Variants in ANTXR2 observed in about 807,000 individuals in gnomAD.
ANTXR2 encodes the protein ANTXR cell adhesion molecule 2, also known as anthrax toxin receptor 2.
ANTXR2 carries 44 observed loss-of-function variants against 73.7 expected under a neutral mutation model. The observed-to-expected ratio is 0.60, with a 90% confidence interval of 0.47 to 0.77. The LOEUF is 0.77. Among genes scored for constraint, ANTXR2 ranks in the 30% least tolerant of loss-of-function variants. The pLI is 0.00. For missense variants in ANTXR2, 604 were observed against 592.5 expected (o/e 1.02, Z -0.20); for synonymous variants, 217 against 205.9 (o/e 1.05, Z -0.46).
intron 10 of ANTXR2, among the ~76,000 whole-genome samples, chr4:80,020,187 C>T (rs371296741): frequency 3.3e-5 from 5 of 151,926 alleles, no homozygotes; most frequent in South Asian, 4.1e-4. Flanking sequence ...AGACCAGCCC[C>T]GGCAACACAG....
chr4:80,040,418 A>C (rs1339278271), intron 7 of ANTXR2, among the ~76,000 whole-genome samples: 3 of 152,094 alleles, frequency 2.0e-5, no homozygotes, highest in Non-Finnish European at 4.4e-5. Flanking sequence ...AATATTACTG[A>C]CTGAACATTG....
chr4:79,977,182 G>C (rs967747148), intron 16 of ANTXR2, among the ~76,000 whole-genome samples: 1 of 152,114 alleles, frequency 6.6e-6, no homozygotes, highest in Non-Finnish European at 1.5e-5. Context: ...CAAGAAATTC[G>C]ATTACATCAA....
chr4:80,030,397 G>A (rs1487677392), intron 10 of ANTXR2, among the ~76,000 whole-genome samples: 2 of 152,180 alleles, frequency 1.3e-5, no homozygotes, highest in Admixed American at 6.6e-5. Context: ...GGCTAATACA[G>A]ACACGATTAT....
intron 16 of ANTXR2, among the ~76,000 whole-genome samples, chr4:79,912,208 T>C (rs749819398): frequency 2.6e-5 from 4 of 152,070 alleles, no homozygotes; most frequent in African/African-American, 9.6e-5. Context: ...ACTGACTTTA[T>C]GCTATAGCGA....
intron 16 of ANTXR2, among the ~76,000 whole-genome samples, chr4:79,955,344 T>C (rs1423099973): frequency 6.6e-6 from 1 of 152,210 alleles, no homozygotes; most frequent in African/African-American, 2.4e-5. Context: ...AGTATTTTTA[T>C]AGTCCCTTGA....
chr4:79,978,966 T>G (rs1729766933), intron 14 of ANTXR2, among the ~76,000 whole-genome samples: 1 of 152,208 alleles, frequency 6.6e-6, no homozygotes, highest in African/African-American at 2.4e-5. Flanking sequence ...CAAGCTCATC[T>G]GAGTATGGTT....
At chr4:80,035,346 C>G (rs913806618) in intron 8 of ANTXR2, among the ~76,000 whole-genome samples, 2 of 152,006 alleles carry the variant, frequency 1.3e-5, no homozygotes, top group Non-Finnish European at 2.9e-5. Flanking sequence ...GTACATTACA[C>G]AACATATTTT....
At chr4:79,919,862 ATTT>A (rs750256375) in intron 16 of ANTXR2, among the ~76,000 whole-genome samples, 99,746 of 121,606 alleles carry the variant, frequency 0.82, 41,347 homozygotes, top group East Asian at 0.94. Flanking sequence ...CCTAATACAT[ATTT>A]TATATATATA....
At chr4:79,962,368 A>G (rs1729179736) in intron 16 of ANTXR2, among the ~76,000 whole-genome samples, 1 of 151,016 alleles carries the variant, frequency 6.6e-6, no homozygotes, top group Non-Finnish European at 1.5e-5. Context: ...GTAAAAATTT[A>G]TCTTTCAAAT....
Position 79,901,356 on chromosome 4 carries a change from T to G in ANTXR2, c.*6073A>C, listed in dbSNP as rs1319341982. The G allele has an allele frequency of 2.6e-5, 4 of 152,148 alleles. No homozygotes were observed. Among genetic ancestry groups the G allele is most frequent in the Non-Finnish European group, 5.9e-5 (4 of 68,006 alleles). The allele number at this position is 152,148 out of a possible 1,614,324, so 9.4% of individuals were successfully genotyped here. ...ATGATAAGAAGTTTAGATTTGCTTC[T>G]AATTTGGCACATGATGTAACAATTT... On this transcript the variant is annotated 3_prime_UTR_variant, in exon 17 of 17. Coordinates refer to ENST00000403729, the MANE Select transcript of ANTXR2 (RefSeq NM_058172.6).
intron 11 of ANTXR2, among the ~76,000 whole-genome samples, chr4:80,014,369 C>T (rs1392400320): frequency 6.6e-6 from 1 of 151,810 alleles, no homozygotes; most frequent in Non-Finnish European, 1.5e-5. Context: ...GAGATTGAGA[C>T]CATCCTGGCC....
chr4:80,039,454 A>C (rs533813818), intron 7 of ANTXR2, among the ~76,000 whole-genome samples: 8 of 152,208 alleles, frequency 5.3e-5, no homozygotes, highest in African/African-American at 1.9e-4. Context: ...ATACAAATTG[A>C]AATGTTCAAG....
chr4:79,966,127 G>GACACACACACACACACAC (rs10549471), intron 16 of ANTXR2, among the ~76,000 whole-genome samples: 203 of 149,514 alleles, frequency 1.4e-3, no homozygotes, highest in African/African-American at 1.9e-3. Context: ...CTAGGACTTA[G>GACACACACACACACACAC]ACACACACAC....
rs1427564738 is a variant in ANTXR2, at chr4:80,033,559, T to C, written c.709A>G (p.Ile237Val). The change falls in exon 9 of 17, where the codon ATT (isoleucine) becomes GTT (valine). Residue 237 changes from isoleucine to valine, a missense_variant. Physicochemically the swap from Ile to Val is conservative, Grantham distance 29. Transcript: ENST00000403729. The stretch of plus-strand genomic sequence containing the variant: ...ATGAATCCTCTTCCACTTAAGACAA[T>C]CTGAAATTCCTCTAGAAGTAAAAGG... ...SSVCVGEEFQ[I>V]VLSGRGFMLG... The C allele has an allele frequency of 3.8e-6, 6 of 1,586,188 alleles. No homozygotes were observed. The highest frequency in any genetic ancestry group is 5.1e-6 in the Non-Finnish European group (6 of 1,170,938).
chr4:80,015,270 G>A (rs944944242), intron 11 of ANTXR2, among the ~76,000 whole-genome samples: 1 of 152,040 alleles, frequency 6.6e-6, no homozygotes, highest in Non-Finnish European at 1.5e-5. Context: ...GTTTCCAATG[G>A]CAGCATCATT....
chr4:79,961,548 C>T (rs1729142454), intron 16 of ANTXR2, among the ~76,000 whole-genome samples: 1 of 152,156 alleles, frequency 6.6e-6, no homozygotes, highest in African/African-American at 2.4e-5. Flanking sequence ...AATCCTCCCA[C>T]CTCAGCCTCC....
intron 11 of ANTXR2, among the ~76,000 whole-genome samples, chr4:80,011,325 T>C (rs1474088956): frequency 6.6e-6 from 1 of 150,404 alleles, no homozygotes; most frequent in Non-Finnish European, 1.5e-5. Flanking sequence ...CTGTCTATCA[T>C]CTATCTATCT....
At chr4:79,984,759 C>T (rs1730037311) in intron 13 of ANTXR2, 60 bp downstream of exon 13, 1 of 1,404,050 alleles carries the variant, frequency 7.1e-7, no homozygotes, top group Non-Finnish European at 9.9e-7. Context: ...TAAATTTGGG[C>T]ATGGTATCTG....
At chr4:79,922,101 T>C (rs1366763298) in intron 16 of ANTXR2, among the ~76,000 whole-genome samples, 1 of 152,066 alleles carries the variant, frequency 6.6e-6, no homozygotes, top group African/African-American at 2.4e-5. Context: ...ACAAATGACT[T>C]TTCTTGCTAA....
Sources: allele counts gnomAD v4.1 joint callset (sites outside exome capture counted in the v4.1 genomes callset), GRCh38; gene constraint gnomAD v4.1.1; transcripts MANE v1.5; gene names NCBI Gene and HGNC (gene_info 2026-07-23, HGNC 2026-07-21).